Variants in NOS1AP observed in about 807,000 individuals in gnomAD.
NOS1AP encodes the protein nitric oxide synthase 1 adaptor protein.
Under a neutral mutation model 56.2 loss-of-function variants are expected in NOS1AP, and 21 were observed. That is an observed-to-expected ratio of 0.37 (90% CI 0.26 to 0.54). The LOEUF is 0.54. NOS1AP is among the 20% of genes least tolerant of loss of function. The pLI, the probability that NOS1AP is intolerant of heterozygous loss-of-function variation, is 0.84. For missense variants in NOS1AP, 522 were observed against 657.8 expected (o/e 0.79, Z 2.26); for synonymous variants, 270 against 274.6 (o/e 0.98, Z 0.17).
chr1:162,177,404 C>T (rs545175728), intron 2 of NOS1AP, among the ~76,000 whole-genome samples: 1 of 152,156 alleles, frequency 6.6e-6, no homozygotes, highest in African/African-American at 2.4e-5. Flanking sequence ...CACGCATGGC[C>T]CTTTCAGATC....
intron 6 of NOS1AP, among the ~76,000 whole-genome samples, chr1:162,351,181 T>C (rs1657481757): frequency 6.6e-6 from 1 of 152,194 alleles, no homozygotes. Flanking sequence ...CAGATAGAGA[T>C]ACTCAGCCCA....
At chr1:162,334,114 C>T (rs772121703) in intron 5 of NOS1AP, among the ~76,000 whole-genome samples, 32 of 152,134 alleles carry the variant, frequency 2.1e-4, no homozygotes, top group Non-Finnish European at 3.7e-4. Context: ...TGTCAAGTAC[C>T]TTGTCAATAA....
At chr1:162,241,946 A>G (rs1431422846) in intron 2 of NOS1AP, among the ~76,000 whole-genome samples, 1 of 152,216 alleles carries the variant, frequency 6.6e-6, no homozygotes, top group East Asian at 1.9e-4. Context: ...CCACAATCCC[A>G]TGAAAGTTGA....
intron 1 of NOS1AP, among the ~76,000 whole-genome samples, chr1:162,101,273 T>C (rs1002443081): frequency 2.0e-5 from 3 of 152,222 alleles, no homozygotes; most frequent in Admixed American, 6.5e-5. Context: ...TTCTGAGTTC[T>C]CTATTCTGTT....
intron 1 of NOS1AP, among the ~76,000 whole-genome samples, chr1:162,147,058 G>A (rs1033706674): frequency 9.2e-5 from 14 of 152,194 alleles, no homozygotes; most frequent in Middle Eastern, 3.4e-3. Flanking sequence ...GGCCGGGCGC[G>A]GTGGCTCATG....
chr1:162,146,865 C>G (rs938083629), intron 1 of NOS1AP, among the ~76,000 whole-genome samples: 3 of 152,164 alleles, frequency 2.0e-5, no homozygotes, highest in Non-Finnish European at 2.9e-5. Flanking sequence ...TTATTATGAA[C>G]TAACATTCAC....
chr1:162,288,405 G>T (rs1374370707), intron 3 of NOS1AP, among the ~76,000 whole-genome samples: 1 of 152,222 alleles, frequency 6.6e-6, no homozygotes, highest in South Asian at 2.1e-4. Context: ...GTCGGGGCTA[G>T]AGGGAGAGAG....
At chr1:162,100,994 A>T (rs1182699840) in intron 1 of NOS1AP, among the ~76,000 whole-genome samples, 1 of 152,048 alleles carries the variant, frequency 6.6e-6, no homozygotes, top group Non-Finnish European at 1.5e-5. Context: ...TGGCCTTTTC[A>T]TCATGAAACC....
At chr1:162,153,970 CTTT>C (rs141108657) in intron 1 of NOS1AP, among the ~76,000 whole-genome samples, 15 of 138,824 alleles carry the variant, frequency 1.1e-4, no homozygotes, top group Non-Finnish European at 4.7e-5. Context: ...GGTATATATT[CTTT>C]TTTTTTTTTT....
At chr1:162,289,041 A>G (rs1230494020) in intron 3 of NOS1AP, among the ~76,000 whole-genome samples, 1 of 152,118 alleles carries the variant, frequency 6.6e-6, no homozygotes, top group Non-Finnish European at 1.5e-5. Flanking sequence ...TATGAATTTG[A>G]GCAAAAGATA....
intron 2 of NOS1AP, among the ~76,000 whole-genome samples, chr1:162,253,296 C>A (rs1323556303): frequency 2.0e-5 from 3 of 152,154 alleles, no homozygotes; most frequent in Admixed American, 6.5e-5. Context: ...GCCACTAGAA[C>A]TGTGAGAAAT....
chr1:162,268,639 G>A (rs1428687499), intron 2 of NOS1AP, among the ~76,000 whole-genome samples: 1 of 152,110 alleles, frequency 6.6e-6, no homozygotes, highest in Non-Finnish European at 1.5e-5. Context: ...GGAAGCTGAA[G>A]AAAACAGAGA....
At chr1:162,210,524 G>A (rs560548071) in intron 2 of NOS1AP, among the ~76,000 whole-genome samples, 24 of 152,238 alleles carry the variant, frequency 1.6e-4, no homozygotes, top group African/African-American at 2.6e-4. Flanking sequence ...TCATATCACC[G>A]AGCTCTCTGA....
intron 2 of NOS1AP, among the ~76,000 whole-genome samples, chr1:162,245,290 A>G (rs572798515): frequency 6.6e-6 from 1 of 152,356 alleles, no homozygotes; most frequent in South Asian, 2.1e-4. Context: ...GCTGAGCATC[A>G]TTAGTCTTAA....
intron 4 of NOS1AP, among the ~76,000 whole-genome samples, chr1:162,328,672 G>A (rs1656668426): frequency 6.6e-6 from 1 of 152,230 alleles, no homozygotes; most frequent in Non-Finnish European, 1.5e-5. Context: ...CTAGTAAGTG[G>A]CAAAGCTTGG....
At chr1:162,292,578 T>C (rs534506407) in intron 3 of NOS1AP, among the ~76,000 whole-genome samples, 1 of 152,346 alleles carries the variant, frequency 6.6e-6, no homozygotes, top group East Asian at 1.9e-4. Flanking sequence ...GTTCGAACCT[T>C]GTCTTACTTA....
At chr1:162,091,153 G>C (rs1479313963) in intron 1 of NOS1AP, among the ~76,000 whole-genome samples, 1 of 151,990 alleles carries the variant, frequency 6.6e-6, no homozygotes, top group East Asian at 1.9e-4. Flanking sequence ...TCTGTTGCCT[G>C]TCCTGCTTCA....
At chr1:162,267,238 A>G (rs1184177009) in intron 2 of NOS1AP, among the ~76,000 whole-genome samples, 1 of 152,132 alleles carries the variant, frequency 6.6e-6, no homozygotes, top group Admixed American at 6.5e-5. Context: ...TAATGTTTGG[A>G]GTGAAAAAAG....
At chr1:162,254,123 T>A (rs4319302) in intron 2 of NOS1AP, among the ~76,000 whole-genome samples, 149,214 of 152,314 alleles carry the variant, frequency 0.98, 73,170 homozygotes, top group East Asian at 1. Flanking sequence ...CATTTGTATC[T>A]TTGTCTCTAA....
Sources: allele counts gnomAD v4.1 joint callset (sites outside exome capture counted in the v4.1 genomes callset), GRCh38; gene constraint gnomAD v4.1.1; transcripts MANE v1.5; gene names NCBI Gene and HGNC (gene_info 2026-07-23, HGNC 2026-07-21).